CELF4: variants seen among roughly 807,000 people sequenced by gnomAD.
The protein encoded by CELF4 is CUGBP Elav-like family member 4, also known as CUG-BP- and ETR-3-like factor 4.
CELF4 carries 18 observed loss-of-function variants against 59.9 expected under a neutral mutation model. The ratio of observed to expected loss-of-function variants is 0.30; its 90% CI spans 0.21 to 0.45. The LOEUF (loss-of-function observed/expected upper bound fraction) is 0.45. Among genes scored for constraint, CELF4 ranks in the 20% least tolerant of loss-of-function variants. The pLI is 1.00. For missense variants in CELF4, 456 were observed against 689.0 expected (o/e 0.66, Z 3.79); for synonymous variants, 261 against 267.1 (o/e 0.98, Z 0.22).
Position 37,243,220 on chromosome 18 carries a change from C to A in CELF4, c.*2022G>T, listed in dbSNP as rs1599673774. 1 of 126,810 alleles carries A rather than the reference C, an allele frequency of 7.9e-6. No homozygotes were observed. Among genetic ancestry groups the A allele is most frequent in the African/African-American group, 3.0e-5 (1 of 32,880 alleles). 7.9% of individuals were successfully genotyped at this position (126,810 alleles called of 1,614,324 possible). A position where few individuals can be genotyped will look rare whatever the true frequency, so the allele number is the denominator to read the frequency against. On this transcript the variant is annotated 3_prime_UTR_variant, in exon 13 of 13. Transcript: ENST00000420428. The stretch of plus-strand genomic sequence containing the variant: ...TTTTTTTTTTTTACATCTGGACATC[C>A]TAAAAGGAGGAGTCAAGAGAAAAAA...
In CELF4 at chr18:37,458,099, C is replaced by A. The variant is rs149636703; in HGVS notation, c.369+27426G>T. On this transcript the variant is annotated intron_variant, in intron 2 of 12. Transcript: ENST00000420428. Reference sequence around the variant, plus strand: ...TGGGACTTCGAGCATCAAAGACAGGCCAGACAGCAGGATATTTTGAGCAAG... The same window carrying A: ...TGGGACTTCGAGCATCAAAGACAGGACAGACAGCAGGATATTTTGAGCAAG... Among the ~76,000 whole-genome samples the A allele has an allele frequency of 6.4e-4, 98 of 152,286 alleles. 1 individual carries two copies. In the East Asian group the frequency reaches 0.018, roughly 28 times the overall value.
chr18:37,466,718 C>T (rs974854504), intron 2 of CELF4, among the ~76,000 whole-genome samples: 1 of 152,102 alleles, frequency 6.6e-6, no homozygotes, highest in East Asian at 1.9e-4. Context: ...TAGGGTGGAG[C>T]AGTCATGTTA....
intron 2 of CELF4, among the ~76,000 whole-genome samples, chr18:37,375,619 G>T (rs1349307304): frequency 2.0e-5 from 3 of 152,180 alleles, no homozygotes; most frequent in Admixed American, 6.5e-5. Flanking sequence ...CTGAGGCCCA[G>T]AGAAGGAAGA....
At chr18:37,328,679 G>T (rs1251083248) in intron 2 of CELF4, among the ~76,000 whole-genome samples, 3 of 152,178 alleles carry the variant, frequency 2.0e-5, no homozygotes, top group African/African-American at 7.2e-5. Flanking sequence ...TGTGGACTTG[G>T]CCCTGCTCGT....
At chr18:37,296,945 C>T (rs890036927) in intron 3 of CELF4, among the ~76,000 whole-genome samples, 1 of 152,150 alleles carries the variant, frequency 6.6e-6, no homozygotes, top group African/African-American at 2.4e-5. Context: ...CACCCAGAGG[C>T]CTTAACTGGG....
At chr18:37,512,917 G>C (rs989971597) in intron 1 of CELF4, among the ~76,000 whole-genome samples, 3 of 151,992 alleles carry the variant, frequency 2.0e-5, no homozygotes, top group Non-Finnish European at 4.4e-5. Flanking sequence ...TCTCCCGGGA[G>C]TTCTGCAGGT....
intron 1 of CELF4, among the ~76,000 whole-genome samples, chr18:37,498,619 C>A (rs1271530394): frequency 3.9e-5 from 6 of 151,964 alleles, no homozygotes; most frequent in African/African-American, 2.4e-5. Context: ...CCCCGACCAT[C>A]CCAGGCTGCA....
At chr18:37,450,619 C>A (rs916948579) in intron 2 of CELF4, among the ~76,000 whole-genome samples, 2 of 152,116 alleles carry the variant, frequency 1.3e-5, no homozygotes, top group African/African-American at 4.8e-5. Context: ...CTGATGATCT[C>A]CATGGCTGGA....
In CELF4 at chr18:37,264,693, G is replaced by T. The variant is rs1251553546; in HGVS notation, c.1230C>A (p.Ile410=). 6 of 1,578,316 alleles carry T rather than the reference G, an allele frequency of 3.8e-6. No homozygotes were observed. The highest frequency in any genetic ancestry group is 1.8e-5 in the Admixed American group (1 of 55,114). ...SQAFPQPPPM[I]PQQQREGPEG... is the part of the protein sequence containing the mutation. Reference sequence around the variant, plus strand: ...ACTCACCTTCTCTCTGCTGCTGGGGGATCATTGGAGGCGGCTGAGGAAAGG... The same window carrying T: ...ACTCACCTTCTCTCTGCTGCTGGGGTATCATTGGAGGCGGCTGAGGAAAGG... The change falls in exon 10 of 13, where the codon ATC becomes ATA. Residue 410 remains isoleucine, a synonymous_variant. Coordinates refer to ENST00000420428, the MANE Select transcript of CELF4 (RefSeq NM_020180.4).
intron 2 of CELF4, among the ~76,000 whole-genome samples, chr18:37,453,932 C>T (rs562319352): frequency 4.6e-5 from 7 of 152,192 alleles, no homozygotes; most frequent in African/African-American, 9.6e-5. Flanking sequence ...TCCTTCTCCC[C>T]GCTCCCTCCA....
At chr18:37,494,599 T>C (rs2099922846) in intron 1 of CELF4, among the ~76,000 whole-genome samples, 1 of 152,212 alleles carries the variant, frequency 6.6e-6, no homozygotes, top group Admixed American at 6.5e-5. Context: ...GATCTCACCA[T>C]TCTTACACCT....
intron 2 of CELF4, among the ~76,000 whole-genome samples, chr18:37,413,814 G>A (rs575085295): frequency 1.8e-4 from 28 of 152,344 alleles, no homozygotes; most frequent in Middle Eastern, 3.4e-3. Flanking sequence ...CCTCTGGTGT[G>A]AAGGAAGAAC....
intron 2 of CELF4, among the ~76,000 whole-genome samples, chr18:37,443,149 TG>T (rs1291123351): frequency 6.6e-6 from 1 of 152,162 alleles, no homozygotes; most frequent in Non-Finnish European, 1.5e-5. Context: ...ACGTGTCTTC[TG>T]TGGATTAGAG....
intron 1 of CELF4, among the ~76,000 whole-genome samples, chr18:37,552,071 A>C (rs1406170036): frequency 6.6e-6 from 1 of 152,186 alleles, no homozygotes; most frequent in African/African-American, 2.4e-5. Flanking sequence ...GTCTTTCTCT[A>C]TGTGGGAATC....
At chr18:37,489,018 T>C (rs150379747) in intron 1 of CELF4, among the ~76,000 whole-genome samples, 244 of 152,274 alleles carry the variant, frequency 1.6e-3, no homozygotes, top group Non-Finnish European at 2.6e-3. Context: ...CAGACTGCAG[T>C]GTCAATATCA....
At chr18:37,547,733 C>T (rs182603652) in intron 1 of CELF4, among the ~76,000 whole-genome samples, 8 of 152,270 alleles carry the variant, frequency 5.3e-5, no homozygotes, top group Non-Finnish European at 1.0e-4. Context: ...TCATCTCTCT[C>T]TCCAAACCAG....
intron 1 of CELF4, among the ~76,000 whole-genome samples, chr18:37,520,013 C>T (rs550453786): frequency 6.6e-5 from 10 of 152,284 alleles, no homozygotes; most frequent in African/African-American, 2.4e-4. Flanking sequence ...GGCACCAGGA[C>T]GTCACCACCC....
intron 10 of CELF4, among the ~76,000 whole-genome samples, chr18:37,261,251 C>T (rs1282910624): frequency 2.0e-5 from 3 of 151,810 alleles, no homozygotes; most frequent in Non-Finnish European, 2.9e-5. Flanking sequence ...CCCCCCACAC[C>T]TCCCTTCCTC....
At chr18:37,322,062 G>A (rs1233565726) in intron 2 of CELF4, among the ~76,000 whole-genome samples, 181 bp from the exon 3 acceptor site, 2 of 152,216 alleles carry the variant, frequency 1.3e-5, no homozygotes, top group Non-Finnish European at 2.9e-5. Flanking sequence ...TCCCCTCGAC[G>A]GCACGGCCCC....
Sources: gnomAD v4.1 joint callset for allele counts (sites outside exome capture counted in the v4.1 genomes callset) on GRCh38, gnomAD v4.1.1 for gene constraint, MANE v1.5 for transcripts, NCBI Gene and HGNC (gene_info 2026-07-23, HGNC 2026-07-21) for gene names.